MAGI2: variants seen among roughly 807,000 people sequenced by gnomAD.
MAGI2 encodes the protein membrane-associated guanylate kinase, WW and PDZ domain-containing protein 2.
MAGI2 carries 35 observed loss-of-function variants against 133.3 expected under a neutral mutation model. That is an observed-to-expected ratio of 0.26 (90% confidence interval 0.20 to 0.35). The LOEUF (loss-of-function observed/expected upper bound fraction) is 0.35. MAGI2 is among the 10% of genes least tolerant of loss of function. The probability of loss-of-function intolerance (pLI) is 1.00; values close to 1 mark genes in which losing one functional copy is unlikely to be tolerated. For synonymous variants in MAGI2, 729 were observed against 710.6 expected (o/e 1.03, Z -0.41); for missense variants, 1,636 against 1,863.4 (o/e 0.88, Z 2.25).
chr7:78,783,798 G>A (rs1826588710), intron 2 of MAGI2, among the ~76,000 whole-genome samples: 1 of 152,108 alleles, frequency 6.6e-6, no homozygotes, highest in Non-Finnish European at 1.5e-5. Context: ...TTGTTAAATA[G>A]CAAAATAACT....
intron 1 of MAGI2, among the ~76,000 whole-genome samples, chr7:79,235,775 C>A (rs1391929339): frequency 1.3e-5 from 2 of 152,210 alleles, no homozygotes. Context: ...ACGCTGGGAG[C>A]TGTAGACCGG....
intron 1 of MAGI2, among the ~76,000 whole-genome samples, chr7:79,181,699 A>T (rs925008101): frequency 6.6e-6 from 1 of 151,796 alleles, no homozygotes; most frequent in African/African-American, 2.4e-5. Flanking sequence ...AGAAAATGGG[A>T]TTTTCTTTTC....
chr7:78,258,155 A>C (rs924690287), intron 9 of MAGI2, among the ~76,000 whole-genome samples: 1 of 152,188 alleles, frequency 6.6e-6, no homozygotes, highest in South Asian at 2.1e-4. Context: ...ACTTTTCCAT[A>C]ATGTCTATCA....
chr7:78,980,190 A>G lies in MAGI2; in HGVS notation c.418+26900T>C, dbSNP rs993053465. On this transcript the variant is annotated intron_variant, in intron 2 of 21. Transcript: ENST00000354212. ...TTTGTTTTTTTTTTCTCATCTGTAA[A>G]ATGAGATAATGATTATATCTTCCTC... Among the ~76,000 whole-genome samples, 6 of 151,830 alleles carry G rather than the reference A, an allele frequency of 4.0e-5. No individual in the cohort carries two copies. In the East Asian group the frequency reaches 1.2e-3, roughly 30 times the overall value.
intron 1 of MAGI2, among the ~76,000 whole-genome samples, chr7:79,446,170 G>A (rs980123038): frequency 2.6e-5 from 4 of 152,186 alleles, no homozygotes; most frequent in African/African-American, 9.6e-5. Context: ...CTGTTGTGCA[G>A]TGGGAGGAGG....
At chr7:78,154,360 C>T (rs902171981) in intron 16 of MAGI2, among the ~76,000 whole-genome samples, 3 of 152,226 alleles carry the variant, frequency 2.0e-5, no homozygotes, top group South Asian at 2.1e-4. Flanking sequence ...AGATTTTCAG[C>T]ACCAGTCCTG....
chr7:79,269,396 A>G (rs1391080689), intron 1 of MAGI2, among the ~76,000 whole-genome samples: 2 of 152,204 alleles, frequency 1.3e-5, no homozygotes, highest in African/African-American at 2.4e-5. Context: ...ATTTCTGGGT[A>G]GAAGACTGAA....
At chr7:78,213,157 G>A (rs1466074709) in intron 10 of MAGI2, among the ~76,000 whole-genome samples, 2 of 144,202 alleles carry the variant, frequency 1.4e-5, no homozygotes, top group African/African-American at 4.9e-5. Flanking sequence ...AATTCTTCCT[G>A]GACTATAGCA....
intron 9 of MAGI2, among the ~76,000 whole-genome samples, chr7:78,323,299 C>T (rs1179693857): frequency 6.6e-6 from 1 of 152,130 alleles, no homozygotes; most frequent in African/African-American, 2.4e-5. Context: ...AACCGAGGAC[C>T]TCATTCCTTC....
intron 2 of MAGI2, among the ~76,000 whole-genome samples, chr7:78,802,674 G>C (rs554928390): frequency 2.0e-5 from 3 of 152,196 alleles, no homozygotes; most frequent in African/African-American, 7.2e-5. Flanking sequence ...ATGACATCCT[G>C]TAGAATGTAC....
At chr7:79,112,355 G>T (rs1431916352) in intron 1 of MAGI2, among the ~76,000 whole-genome samples, 1 of 152,054 alleles carries the variant, frequency 6.6e-6, no homozygotes, top group African/African-American at 2.4e-5. Context: ...TTAGTCTCCT[G>T]GTTTGCCCTC....
At chr7:78,324,834 C>T (rs563740409) in intron 9 of MAGI2, among the ~76,000 whole-genome samples, 23 of 152,116 alleles carry the variant, frequency 1.5e-4, no homozygotes, top group South Asian at 6.2e-4. Flanking sequence ...GGCATGGTGG[C>T]GGGCGCCTGT....
At chr7:78,912,385 A>G (rs1798463101) in intron 2 of MAGI2, among the ~76,000 whole-genome samples, 2 of 152,174 alleles carry the variant, frequency 1.3e-5, no homozygotes, top group Non-Finnish European at 2.9e-5. Flanking sequence ...TCAAGGATAC[A>G]AAGTATTGAT....
At chr7:78,304,321 C>G (rs903341366) in intron 9 of MAGI2, among the ~76,000 whole-genome samples, 2 of 152,142 alleles carry the variant, frequency 1.3e-5, no homozygotes, top group African/African-American at 4.8e-5. Context: ...TAGCTCTTGC[C>G]ACTCCAGCCA....
chr7:78,821,311 A>C (rs575705967), intron 2 of MAGI2, among the ~76,000 whole-genome samples: 1 of 152,060 alleles, frequency 6.6e-6, no homozygotes, highest in Non-Finnish European at 1.5e-5. Context: ...GTACTAAAGG[A>C]AACAGCCATT....
In MAGI2 at chr7:79,303,735, A is replaced by G. The variant is rs563633119; in HGVS notation, c.301+149285T>C. 9.2e-5 allele frequency among the ~76,000 whole-genome samples: 14 copies of G among 152,296 alleles called. 1 individual carries two copies. Among genetic ancestry groups the G allele is most frequent in the African/African-American group, 1.4e-4 (6 of 41,570 alleles). ...TGTAAAATATTTACTCTGAGTAACT[A>G]TCACTGGTTAATATGTCACATCATG... On this transcript the variant is annotated intron_variant, in intron 1 of 21. Transcript: ENST00000354212.
At chr7:78,605,357 A>C (rs1805691630) in intron 3 of MAGI2, among the ~76,000 whole-genome samples, 1 of 152,204 alleles carries the variant, frequency 6.6e-6, no homozygotes, top group Non-Finnish European at 1.5e-5. Flanking sequence ...CTGGGTGGAG[A>C]AGAATTTTTG....
chr7:79,443,265 TGTGTGTGTGTGTGTGTGTGC>T (rs1848610307), intron 1 of MAGI2, among the ~76,000 whole-genome samples: 1 of 32,830 alleles, frequency 3.0e-5, no homozygotes, highest in East Asian at 5.5e-4. Context: ...GTGTTTGAAG[TGTGTGTGTGTGTGTGTGTGC>T]GTGTGTGTGT....
At chr7:78,763,811 A>G (rs988228543) in intron 2 of MAGI2, among the ~76,000 whole-genome samples, 1 of 152,230 alleles carries the variant, frequency 6.6e-6, no homozygotes, top group African/African-American at 2.4e-5. Flanking sequence ...AAACTGTATC[A>G]ATAATTTATC....
Sources: gnomAD v4.1 joint callset for allele counts (sites outside exome capture counted in the v4.1 genomes callset) on GRCh38, gnomAD v4.1.1 for gene constraint, MANE v1.5 for transcripts, NCBI Gene and HGNC (gene_info 2026-07-23, HGNC 2026-07-21) for gene names.